The following DIP2C variants were observed in gnomAD, a reference collection of about 807,000 sequenced individuals.
The protein encoded by DIP2C is DIP2 acetate--CoA ligase C (putative).
A neutral mutation model predicts 192.4 loss-of-function variants in DIP2C; 33 were observed. The observed-to-expected ratio is 0.17, with a 90% CI of 0.13 to 0.23. The LOEUF (loss-of-function observed/expected upper bound fraction) is 0.23, where lower values mean the gene tolerates loss of function less well. Among genes scored for constraint, DIP2C ranks in the 10% least tolerant of loss-of-function variants. The pLI, the probability that DIP2C is intolerant of heterozygous loss-of-function variation, is 1.00. For synonymous variants in DIP2C, 979 were observed against 864.1 expected, an observed-to-expected ratio of 1.13 and a Z score of -2.33; for missense variants, 1,537 against 2,110.1, an observed-to-expected ratio of 0.73 and a Z score of 5.32.
chr10:406,721 GATTAGAAATT>G (rs2133060559), intron 9 of DIP2C, among the ~76,000 whole-genome samples: 1 of 152,198 alleles, frequency 6.6e-6, no homozygotes, highest in African/African-American at 2.4e-5. Flanking sequence ...TTAGCTACAA[GATTAGAAATT>G]ACTGCATGAC....
chr10:293,080 T>C (rs1955573086), intron 32 of DIP2C, among the ~76,000 whole-genome samples: 1 of 152,270 alleles, frequency 6.6e-6, no homozygotes, highest in Non-Finnish European at 1.5e-5. Flanking sequence ...CCAGTGCAGC[T>C]GGAGCCCCTG....
intron 1 of DIP2C, among the ~76,000 whole-genome samples, chr10:540,300 C>T (rs1402321003): frequency 1.3e-5 from 2 of 152,242 alleles, no homozygotes; most frequent in Non-Finnish European, 2.9e-5. Flanking sequence ...CAACGCAGCA[C>T]CATCCTCACA....
intron 7 of DIP2C, among the ~76,000 whole-genome samples, chr10:414,733 G>GTATATATATATATATATATATA: frequency 1.7e-5 from 1 of 58,258 alleles, no homozygotes; most frequent in Non-Finnish European, 3.4e-5. Flanking sequence ...GTGTGTGTGT[G>GTATATATATATATATATATATA]TGTGTGTACA....
intron 1 of DIP2C, among the ~76,000 whole-genome samples, chr10:624,040 C>G (rs1266598243): frequency 6.6e-6 from 1 of 152,250 alleles, no homozygotes; most frequent in Non-Finnish European, 1.5e-5. Flanking sequence ...AACCGCCACC[C>G]TGCTCCTTCT....
At chr10:283,664 C>T (rs1389597298) in intron 34 of DIP2C, among the ~76,000 whole-genome samples, 1 of 152,168 alleles carries the variant, frequency 6.6e-6, no homozygotes, top group Non-Finnish European at 1.5e-5. Context: ...GCCAAGCAAC[C>T]AGCCAAGGCA....
intron 1 of DIP2C, among the ~76,000 whole-genome samples, chr10:495,027 C>G (rs1345616553): frequency 6.6e-6 from 1 of 152,172 alleles, no homozygotes; most frequent in Admixed American, 6.5e-5. Context: ...GGTGTATGGA[C>G]AAAACAAATA....
chr10:321,149 A>C (rs1283493139), intron 31 of DIP2C, among the ~76,000 whole-genome samples: 2 of 152,212 alleles, frequency 1.3e-5, no homozygotes, highest in Non-Finnish European at 2.9e-5. Flanking sequence ...ACAAACACCC[A>C]ATGTGTCTCT....
chr10:568,879 C>A (rs1031511585), intron 1 of DIP2C, among the ~76,000 whole-genome samples: 1 of 150,036 alleles, frequency 6.7e-6, no homozygotes, highest in African/African-American at 2.4e-5. Flanking sequence ...CATCTCAGAG[C>A]CGTTCAAGAG....
At chr10:386,134 T>G (rs140941343) in intron 14 of DIP2C, among the ~76,000 whole-genome samples, 3 of 152,246 alleles carry the variant, frequency 2.0e-5, no homozygotes, top group Non-Finnish European at 4.4e-5. Flanking sequence ...GCCGGAAAGT[T>G]GGGTGTTCTA....
intron 1 of DIP2C, among the ~76,000 whole-genome samples, chr10:523,866 ACT>A (rs1846888404): frequency 6.6e-6 from 1 of 152,192 alleles, no homozygotes; most frequent in African/African-American, 2.4e-5. Flanking sequence ...GAACCCTGTG[ACT>A]CTGTCCCAGG....
At chr10:469,120 C>G (rs1970436332) in intron 3 of DIP2C, among the ~76,000 whole-genome samples, 1 of 152,036 alleles carries the variant, frequency 6.6e-6, no homozygotes, top group Admixed American at 6.6e-5. Context: ...AATTGGAGAC[C>G]ATTATCTGTG....
At chr10:373,514 C>G (rs1429871086) in intron 17 of DIP2C, among the ~76,000 whole-genome samples, 1 of 152,186 alleles carries the variant, frequency 6.6e-6, no homozygotes, top group Non-Finnish European at 1.5e-5. Flanking sequence ...GCTTGCAGGT[C>G]TGACATAATG....
In DIP2C at chr10:636,992, C is replaced by T. The variant is rs1282892371; in HGVS notation, c.85+52502G>A. 6.6e-6 allele frequency among the ~76,000 whole-genome samples: 1 copy of T among 152,280 alleles called. No homozygotes were observed. Among genetic ancestry groups the T allele is most frequent in the Non-Finnish European group, 1.5e-5 (1 of 68,046 alleles). On this transcript the variant is annotated intron_variant, in intron 1 of 36. Transcript: ENST00000280886. This position sits in a 1 kb window ranked among gnomAD's most constrained non-coding sequence, Gnocchi z 4.6. ...GTGTGCACCAGCACCCACATCCCCG[C>T]ATCAGAAACACCTGGAGGGGCCGCG...
chr10:618,788 C>T (rs1853644621), intron 1 of DIP2C, among the ~76,000 whole-genome samples: 2 of 152,330 alleles, frequency 1.3e-5, no homozygotes, highest in East Asian at 3.9e-4. Context: ...ACGTGCAGAC[C>T]AGAGCCCTCC....
At chr10:540,653 G>A (rs139906769) in intron 1 of DIP2C, among the ~76,000 whole-genome samples, 32 of 152,280 alleles carry the variant, frequency 2.1e-4, no homozygotes, top group African/African-American at 7.2e-4. Context: ...CAGTGTGAAC[G>A]CACTTAATGC....
chr10:539,825 A>G (rs1196190048), intron 1 of DIP2C, among the ~76,000 whole-genome samples: 5 of 152,368 alleles, frequency 3.3e-5, no homozygotes, highest in East Asian at 1.9e-4. Context: ...CAGTTTTCAA[A>G]AACAGCTATA....
chr10:386,392 T>G (rs1006150389), intron 14 of DIP2C, among the ~76,000 whole-genome samples: 1 of 152,224 alleles, frequency 6.6e-6, no homozygotes, highest in Non-Finnish European at 1.5e-5. Flanking sequence ...AAGGAAAGGC[T>G]GAGACACAAG....
intron 1 of DIP2C, among the ~76,000 whole-genome samples, chr10:620,729 C>G (rs1853801501): frequency 6.6e-6 from 1 of 152,154 alleles, no homozygotes; most frequent in Non-Finnish European, 1.5e-5. Context: ...TCAGTGGGAG[C>G]CTCGCATCTA....
chr10:486,179 A>AT (rs1491090468), intron 2 of DIP2C, among the ~76,000 whole-genome samples: 1 of 152,240 alleles, frequency 6.6e-6, no homozygotes, highest in Non-Finnish European at 1.5e-5. Flanking sequence ...TAATGCACTC[A>AT]TATTTTTACG....
Sources: gnomAD v4.1 joint callset for allele counts (sites outside exome capture counted in the v4.1 genomes callset) on GRCh38, gnomAD v4.1.1 for gene constraint, Gnocchi (gnomAD v3.1) non-coding constraint, MANE v1.5 for transcripts, NCBI Gene and HGNC (gene_info 2026-07-23, HGNC 2026-07-21) for gene names.